RRM1: variants seen among roughly 807,000 people sequenced by gnomAD.
The protein encoded by RRM1 is ribonucleoside-diphosphate reductase large subunit.
Under a neutral mutation model 101.5 loss-of-function variants are expected in RRM1, and 19 were observed. That is an observed-to-expected ratio of 0.19 (90% CI 0.13 to 0.27). The LOEUF is 0.27. RRM1 is among the 10% of genes least tolerant of loss of function. The pLI, the probability that RRM1 is intolerant of heterozygous loss-of-function variation, is 1.00. For synonymous variants in RRM1, 298 were observed against 323.4 expected, an observed-to-expected ratio of 0.92 and a Z score of 0.84; for missense variants, 500 against 962.9, an observed-to-expected ratio of 0.52 and a Z score of 6.36.
intron 15 of RRM1, among the ~76,000 whole-genome samples, chr11:4,130,086 ATTTTTT>A (rs796657105): frequency 4.1e-4 from 41 of 99,430 alleles, no homozygotes; most frequent in South Asian, 9.2e-4. Context: ...ATATATATAT[ATTTTTT>A]TTTTTTTTTT....
chr11:4,118,315 C>G lies in RRM1; in HGVS notation c.651-5C>G, dbSNP rs368764221. 47 of 1,607,384 alleles carry G rather than the reference C, an allele frequency of 2.9e-5. No homozygotes were observed. In the African/African-American group the frequency reaches 5.5e-4, roughly 19 times the overall value. Reference sequence around the variant, plus strand: ...CTCTAAGTTGAGACATTTTTTCCCCCGTAGCTGTTTTCTTCTGAGTATGAA... The same window carrying G: ...CTCTAAGTTGAGACATTTTTTCCCCGGTAGCTGTTTTCTTCTGAGTATGAA... On this transcript the variant is annotated splice_region_variant and splice_polypyrimidine_tract_variant and intron_variant, in intron 7 of 18. Coordinates refer to ENST00000300738, the MANE Select transcript of RRM1 (RefSeq NM_001033.5).
intron 5 of RRM1, among the ~76,000 whole-genome samples, chr11:4,110,394 C>G (rs1485244602): frequency 6.6e-6 from 1 of 152,078 alleles, no homozygotes; most frequent in Admixed American, 6.6e-5. Context: ...CTCAGGTGAT[C>G]CACCCACCTT....
chr11:4,129,030 G>A, intron 14 of RRM1, 44 bp from the exon 15 acceptor site: 5 of 990,876 alleles, frequency 5.0e-6, no homozygotes, highest in Non-Finnish European at 5.9e-6. Context: ...TTTGGTCATA[G>A]TTTTAACTTG....
intron 2 of RRM1, among the ~76,000 whole-genome samples, chr11:4,105,365 C>T (rs975692593): frequency 5.3e-5 from 8 of 151,816 alleles, no homozygotes; most frequent in African/African-American, 1.7e-4. Context: ...CCTGTAGCTG[C>T]AACCACAGTC....
In RRM1 at chr11:4,132,811, G is replaced by A. The variant is rs917961211; in HGVS notation, c.1905+390G>A. On this transcript the variant is annotated intron_variant, in intron 16 of 18. Transcript: ENST00000300738. This position sits in a 1 kb window ranked among gnomAD's most constrained non-coding sequence, Gnocchi z 4.1. ...TTGGTTACCAATTAGAATTTATGGT[G>A]GGTGAGACCAGTGGTTTTTTCTTTG... is the stretch of plus-strand genomic sequence containing the variant. Among the ~76,000 whole-genome samples the A allele has an allele frequency of 2.0e-5, 3 of 152,116 alleles. No individual in the cohort carries two copies. Among genetic ancestry groups the A allele is most frequent in the African/African-American group, 7.2e-5 (3 of 41,418 alleles).
chr11:4,102,688 T>G (rs902051909), intron 2 of RRM1, among the ~76,000 whole-genome samples: 1 of 151,920 alleles, frequency 6.6e-6, no homozygotes, highest in Admixed American at 6.6e-5. Flanking sequence ...GAGTAAAGCT[T>G]GTTTTGGAAT....
intron 15 of RRM1, among the ~76,000 whole-genome samples, chr11:4,131,507 G>A (rs985707318): frequency 6.6e-6 from 1 of 152,186 alleles, no homozygotes; most frequent in African/African-American, 2.4e-5. Flanking sequence ...AAAACAAGTA[G>A]TTAAGGTATA....
At chr11:4,098,428 T>G (rs1185780411) in intron 1 of RRM1, among the ~76,000 whole-genome samples, 1 of 86,258 alleles carries the variant, frequency 1.2e-5, no homozygotes, top group African/African-American at 3.6e-5. Flanking sequence ...CTTCCTTCCT[T>G]CCTTCCTTCC....
intron 2 of RRM1, among the ~76,000 whole-genome samples, chr11:4,103,781 ATT>A (rs36062278): frequency 5.2e-5 from 6 of 115,236 alleles, no homozygotes; most frequent in African/African-American, 1.4e-4. Flanking sequence ...CCACCACGCT[ATT>A]TTTTTTTTTT....
chr11:4,135,210 C>T lies in RRM1; in HGVS notation c.2130C>T (p.Ile710=). The change falls in exon 18 of 19, where the codon ATC becomes ATT. Residue 710 remains isoleucine, a synonymous_variant. Transcript: ENST00000300738. The part of the protein sequence containing the change: ...AFIDQSQSLN[I]HIAEPNYGKL... ...TTGATCAAAGCCAATCTTTGAACAT[C>T]CACATTGCTGAGCCTAACTATGGCA... The T allele has an allele frequency of 1.2e-6, 2 of 1,613,656 alleles. No individual in the cohort carries two copies. Among genetic ancestry groups the T allele is most frequent in the Non-Finnish European group, 1.7e-6 (2 of 1,179,726 alleles).
At chr11:4,126,603 A>C in intron 12 of RRM1, 81 bp from the exon 13 acceptor site, 2 of 1,302,112 alleles carry the variant, frequency 1.5e-6, no homozygotes, top group Non-Finnish European at 1.1e-6. Context: ...TCTGAGTATT[A>C]GAGGCTCACA....
In RRM1 at chr11:4,101,561, C is replaced by CCCT. The variant is rs1007353171; in HGVS notation, c.20-430_20-429insTCC. ...ACTCCTGACCTCCAGTGATCCACAC[C>CCCT]CCCCCCCGCTCCCTTGGCCTCCCAA... On this transcript the variant is annotated intron_variant, in intron 1 of 18. Coordinates refer to ENST00000300738, the MANE Select transcript of RRM1 (RefSeq NM_001033.5). Among the ~76,000 whole-genome samples, 3 of 51,744 alleles carry CCCT rather than the reference C, an allele frequency of 5.8e-5. 1 individual carries two copies. The highest frequency in any genetic ancestry group is 1.3e-4 in the African/African-American group (3 of 23,338). The allele number at this position is 51,744 out of a possible 152,430, so 33.9% of individuals were successfully genotyped here.
chr11:4,129,939 A>T (rs1412643985), intron 15 of RRM1, among the ~76,000 whole-genome samples: 1 of 151,186 alleles, frequency 6.6e-6, no homozygotes, highest in East Asian at 1.9e-4. Context: ...TTATACTAAT[A>T]CTGCCTCCCC....
chr11:4,118,576 A>C, intron 8 of RRM1, 115 bp downstream of exon 8: 1 of 1,008,180 alleles, frequency 9.9e-7, no homozygotes, highest in Non-Finnish European at 1.5e-6. Context: ...TTAAATTACT[A>C]AATGGCTATG....
At position 4,094,887 on chromosome 11, in the gene RRM1, C is replaced by G. The variant is rs1325674020; in HGVS notation, c.-126C>G. 1.0e-5 allele frequency: 10 copies of G among 985,272 alleles called. No homozygotes were observed. The highest frequency in any genetic ancestry group is 1.6e-5 in the Non-Finnish European group (10 of 633,972). The allele number at this position is 985,272 out of a possible 1,614,324, so 61.0% of individuals were successfully genotyped here. On this transcript the variant is annotated 5_prime_UTR_variant, in exon 1 of 19. Coordinates refer to ENST00000300738, the MANE Select transcript of RRM1 (RefSeq NM_001033.5). ...AAGAAAGTGCTGTCTGGCTCCAACT[C>G]CAGTTCTTTCCCCTGAGCAGCGCCT...
intron 15 of RRM1, among the ~76,000 whole-genome samples, chr11:4,131,109 G>T (rs554166276): frequency 2.0e-5 from 3 of 152,208 alleles, no homozygotes; most frequent in Non-Finnish European, 2.9e-5. Context: ...TCACAGTTCC[G>T]CAGGGTTGGG....
Position 4,094,952 on chromosome 11 carries a change from G to T in RRM1, c.-61G>T. ...CCCACTCTGTCACCTTCTCGATCCC[G>T]CCGGCGCTTTAGAGCCGCAGTCCAG... On this transcript the variant is annotated 5_prime_UTR_variant, in exon 1 of 19. Transcript: ENST00000300738. 6.5e-7 allele frequency: 1 copy of T among 1,544,868 alleles called. No individual in the cohort carries two copies. The highest frequency in any genetic ancestry group is 8.8e-7 in the Non-Finnish European group (1 of 1,140,836).
chr11:4,125,173 A>G (rs1363447472), intron 12 of RRM1, among the ~76,000 whole-genome samples: 1 of 152,052 alleles, frequency 6.6e-6, no homozygotes, highest in African/African-American at 2.4e-5. Flanking sequence ...TCAGCCTCCC[A>G]AAGTGTTGGG....
rs1244975872 is a variant in RRM1 at position 4,106,198 on chromosome 11, C to T, written c.261C>T (p.His87=). The change falls in exon 3 of 19, where the codon CAC becomes CAT. Residue 87 remains histidine (H), a synonymous_variant. Coordinates refer to ENST00000300738, the MANE Select transcript of RRM1 (RefSeq NM_001033.5). ...CCAGGATCGCTGTCTCTAACTTGCA[C>T]AAAGAAACAAAGAAAGTGTTCAGTG... The part of the protein sequence containing the change: ...LAARIAVSNL[H]KETKKVFSDV... 2 of 1,613,072 alleles carry T rather than the reference C, an allele frequency of 1.2e-6. No homozygotes were observed. Among genetic ancestry groups the T allele is most frequent in the Non-Finnish European group, 1.7e-6 (2 of 1,179,778 alleles).
Sources: allele counts gnomAD v4.1 joint callset (sites outside exome capture counted in the v4.1 genomes callset), GRCh38; gene constraint gnomAD v4.1.1; non-coding constraint Gnocchi (gnomAD v3.1); transcripts MANE v1.5; gene names NCBI Gene and HGNC (gene_info 2026-07-23, HGNC 2026-07-21).